Variants in CFAP61 observed in about 807,000 individuals in gnomAD.
CFAP61 encodes cilia and flagella associated protein 61.
A neutral mutation model predicts 135.6 loss-of-function variants in CFAP61; 107 were observed. The ratio of observed to expected loss-of-function variants is 0.79; its 90% CI spans 0.67 to 0.93. CFAP61 has a LOEUF of 0.93. Ranked by LOEUF, CFAP61 falls within the 40% of genes least tolerant of loss-of-function variation. The probability of loss-of-function intolerance (pLI) is 0.00; values close to 1 mark genes in which losing one functional copy is unlikely to be tolerated. For missense variants in CFAP61, 1,507 were observed against 1,556.2 expected, an observed-to-expected ratio of 0.97 and a Z score of 0.53; for synonymous variants, 575 against 578.5, an observed-to-expected ratio of 0.99 and a Z score of 0.09.
At chr20:20,097,656 A>G (rs2146634086) in intron 7 of CFAP61, among the ~76,000 whole-genome samples, 1 of 152,330 alleles carries the variant, frequency 6.6e-6, no homozygotes, top group African/African-American at 2.4e-5. Flanking sequence ...AAGACTGAAA[A>G]TCATGGGGAC....
chr20:20,309,840 A>T (rs539179674), intron 25 of CFAP61, among the ~76,000 whole-genome samples: 16 of 152,342 alleles, frequency 1.1e-4, no homozygotes, highest in African/African-American at 3.4e-4. Flanking sequence ...ATCTTTAAAA[A>T]AAAAACAGAA....
intron 22 of CFAP61, among the ~76,000 whole-genome samples, chr20:20,279,622 A>G (rs535230597): frequency 1.5e-3 from 223 of 152,280 alleles, no homozygotes; most frequent in Middle Eastern, 3.4e-3. Context: ...AAAAAAATCT[A>G]TGCATAAGTG....
At chr20:20,117,167 T>C (rs7267131) in intron 8 of CFAP61, among the ~76,000 whole-genome samples, 14,877 of 151,936 alleles carry the variant, frequency 0.098, 1,509 homozygotes, top group East Asian at 0.59. Context: ...ACCAGCCTGG[T>C]GAACATGGTT....
chr20:20,150,765 C>T (rs1221079753), intron 9 of CFAP61, among the ~76,000 whole-genome samples: 2 of 152,158 alleles, frequency 1.3e-5, no homozygotes. Flanking sequence ...TAACCCAGAG[C>T]CTGGTAGCCC....
intron 6 of CFAP61, among the ~76,000 whole-genome samples, chr20:20,090,069 G>A (rs776225721): frequency 2.0e-5 from 3 of 152,166 alleles, no homozygotes; most frequent in African/African-American, 4.8e-5. Context: ...GAGGATGCTC[G>A]GGACAATATC....
chr20:20,179,343 A>G (rs2054874550), intron 13 of CFAP61, among the ~76,000 whole-genome samples: 2 of 152,214 alleles, frequency 1.3e-5, no homozygotes, highest in African/African-American at 2.4e-5. Flanking sequence ...AAAGATCTCT[A>G]CAAGGAGAAC....
chr20:20,316,136 G>A, intron 25 of CFAP61, among the ~76,000 whole-genome samples: 1 of 151,630 alleles, frequency 6.6e-6, no homozygotes, highest in Non-Finnish European at 1.5e-5. Flanking sequence ...GGGCAGTATG[G>A]CCATTTTCAC....
intron 8 of CFAP61, among the ~76,000 whole-genome samples, chr20:20,137,923 T>A (rs529468924): frequency 6.6e-6 from 1 of 152,300 alleles, no homozygotes; most frequent in Non-Finnish European, 1.5e-5. Context: ...ACCTGGCTAC[T>A]GCTGCTGATT....
intron 13 of CFAP61, among the ~76,000 whole-genome samples, chr20:20,182,567 C>A (rs1369171461): frequency 6.6e-6 from 1 of 152,182 alleles, no homozygotes; most frequent in Non-Finnish European, 1.5e-5. Flanking sequence ...AAAACACGGG[C>A]ACACAGCAGA....
At chr20:20,086,169 T>C (rs2046784778) in intron 6 of CFAP61, among the ~76,000 whole-genome samples, 1 of 149,656 alleles carries the variant, frequency 6.7e-6, no homozygotes, top group African/African-American at 2.5e-5. Flanking sequence ...TTCTTTCAAA[T>C]TTTATTATTA....
chr20:20,285,124 A>T (rs1371912142), intron 22 of CFAP61, among the ~76,000 whole-genome samples: 4 of 152,186 alleles, frequency 2.6e-5, no homozygotes, highest in Non-Finnish European at 4.4e-5. Flanking sequence ...ATCTTCCAAC[A>T]TCCATGCATT....
At chr20:20,136,527 C>T in intron 8 of CFAP61, among the ~76,000 whole-genome samples, 1 of 3,168 alleles carries the variant, frequency 3.2e-4, no homozygotes, top group African/African-American at 3.6e-3. Context: ...TATTAAGAGA[C>T]TGATACATTT....
intron 17 of CFAP61, among the ~76,000 whole-genome samples, chr20:20,220,886 G>C (rs1456868979): frequency 1.3e-5 from 2 of 152,194 alleles, no homozygotes; most frequent in Non-Finnish European, 2.9e-5. Flanking sequence ...TGGGGATATA[G>C]AGCTTGAGAA....
Position 20,269,132 on chromosome 20 carries a change from T to C in CFAP61, c.2503+6002T>C, listed in dbSNP as rs77463103. 4.9e-3 allele frequency among the ~76,000 whole-genome samples: 425 copies of C among 87,082 alleles called. 6 individuals are homozygous for C. The highest frequency in any genetic ancestry group is 0.015 in the African/African-American group (377 of 24,538). The allele number at this position is 87,082 out of a possible 152,430, so 57.1% of individuals were successfully genotyped here. A position where few individuals can be genotyped will look rare whatever the true frequency, so the allele number is the denominator to read the frequency against. ...TATTCGTGGGCTATATATATATATA[T>C]ATATATATATATATACACACACACA... On this transcript the variant is annotated intron_variant, in intron 21 of 26. Transcript: ENST00000245957.
chr20:20,284,316 C>A (rs982057574), intron 22 of CFAP61, among the ~76,000 whole-genome samples: 1 of 150,144 alleles, frequency 6.7e-6, no homozygotes, highest in Non-Finnish European at 1.5e-5. Context: ...GATGGAGTCT[C>A]GCTTTGTTGC....
chr20:20,278,631 G>T (rs111818541), intron 22 of CFAP61, among the ~76,000 whole-genome samples: 2 of 152,246 alleles, frequency 1.3e-5, no homozygotes, highest in Middle Eastern at 3.4e-3. Context: ...ACCTAGGAGT[G>T]GGGGGTGATC....
At chr20:20,144,615 A>C (rs1433056719) in intron 9 of CFAP61, among the ~76,000 whole-genome samples, 5 of 152,154 alleles carry the variant, frequency 3.3e-5, no homozygotes, top group African/African-American at 4.8e-5. Context: ...CAGAAAAAAA[A>C]AACACATTCG....
chr20:20,141,327 A>G (rs2051382767), intron 8 of CFAP61, among the ~76,000 whole-genome samples: 1 of 152,248 alleles, frequency 6.6e-6, no homozygotes, highest in South Asian at 2.1e-4. Context: ...AACAAGGTCA[A>G]TAAGCCTAAA....
chr20:20,309,118 A>G (rs2056659490), intron 25 of CFAP61, among the ~76,000 whole-genome samples: 1 of 152,198 alleles, frequency 6.6e-6, no homozygotes, highest in South Asian at 2.1e-4. Flanking sequence ...CTTTGAAGCC[A>G]CCTGGGCAGT....
Sources: allele counts gnomAD v4.1 joint callset (sites outside exome capture counted in the v4.1 genomes callset), GRCh38; gene constraint gnomAD v4.1.1; transcripts MANE v1.5; gene names NCBI Gene and HGNC (gene_info 2026-07-23, HGNC 2026-07-21).